The following THSD7A variants were observed in gnomAD, a reference collection of about 807,000 sequenced individuals.
THSD7A encodes thrombospondin type-1 domain-containing protein 7A.
In THSD7A, 96 loss-of-function variants were observed where a neutral mutation model predicts 231.3. The observed-to-expected ratio is 0.41, with a 90% CI of 0.35 to 0.49. THSD7A has a LOEUF of 0.49. Among genes scored for constraint, THSD7A ranks in the 20% least tolerant of loss-of-function variants. The pLI, the probability that THSD7A is intolerant of heterozygous loss-of-function variation, is 0.05. For missense variants in THSD7A, 2,290 were observed against 2,070.2 expected (o/e 1.11, Z -2.06); for synonymous variants, 940 against 743.3 (o/e 1.26, Z -4.30).
intron 4 of THSD7A, among the ~76,000 whole-genome samples, chr7:11,546,202 G>GCGCGCGCGCA (rs761841418): frequency 1.5e-5 from 2 of 129,374 alleles, no homozygotes; most frequent in African/African-American, 2.9e-5. Context: ...GTGGGCGCGC[G>GCGCGCGCGCA]CTCACACACA....
At chr7:11,455,481 G>A (rs1785278560) in intron 11 of THSD7A, among the ~76,000 whole-genome samples, 1 of 151,788 alleles carries the variant, frequency 6.6e-6, no homozygotes, top group Admixed American at 6.6e-5. Context: ...GTGATTCTGG[G>A]GATAATTGAT....
chr7:11,481,802 T>A lies in THSD7A; in HGVS notation c.2003A>T (p.Tyr668Phe), dbSNP rs750699877. ...KQIRARSILA[Y>F]AGEEGGIRCP... ...TGGCGACTCACCTTCTTCACCCGCA[T>A]AGGCCAGAATGGATCGTGCTCGTAT... The change falls in exon 7 of 28, where the codon TAT becomes TTT. Residue 668 changes from tyrosine to phenylalanine, a missense_variant. By Grantham distance (22) the Tyr-to-Phe change is conservative (BLOSUM62 3). Coordinates refer to ENST00000423059, the MANE Select transcript of THSD7A (RefSeq NM_015204.3). The A allele has an allele frequency of 2.3e-5, 37 of 1,602,914 alleles. No individual in the cohort carries two copies. The highest frequency in any genetic ancestry group is 3.1e-5 in the Non-Finnish European group (36 of 1,174,026).
In THSD7A at chr7:11,417,542, C is replaced by T. The variant is rs764727923; in HGVS notation, c.3445G>A (p.Glu1149Lys). 4.3e-6 allele frequency: 7 copies of T among 1,613,738 alleles called. No individual in the cohort carries two copies. The African/African-American group carries it at 8.0e-5, about 18-fold the overall frequency. ...EHVEDYLCDP[E>K]EMPLGSRVCK... ...ACTCTAGAGCCCAGGGGCATCTCTT[C>T]TGGGTCACAGAGGTAATCCTCTACA... Residue 1149 changes from glutamate (E) to lysine (K), a missense_variant, in exon 17 of 28, where the codon GAA becomes AAA. Coordinates refer to ENST00000423059, the MANE Select transcript of THSD7A (RefSeq NM_015204.3).
intron 1 of THSD7A, among the ~76,000 whole-genome samples, chr7:11,733,550 C>G (rs535188448): frequency 6.6e-6 from 1 of 151,730 alleles, no homozygotes; most frequent in East Asian, 1.9e-4. Flanking sequence ...TGGGATTGAT[C>G]TGGCTGATAT....
intron 1 of THSD7A, among the ~76,000 whole-genome samples, chr7:11,702,625 G>A (rs921158275): frequency 7.3e-5 from 11 of 151,142 alleles, no homozygotes; most frequent in African/African-American, 1.2e-4. Flanking sequence ...ACAAAAGTCC[G>A]CTCACAGCAG....
intron 4 of THSD7A, among the ~76,000 whole-genome samples, chr7:11,553,143 G>T (rs1004777214): frequency 2.6e-5 from 4 of 152,054 alleles, no homozygotes; most frequent in Admixed American, 6.6e-5. Flanking sequence ...AAGCCTTCTT[G>T]AGGTTTGCTC....
rs540856027 is a variant in THSD7A at position 11,521,456 on chromosome 7, C to T, written c.1822+19963G>A. Among the ~76,000 whole-genome samples, 6 of 144,386 alleles carry T rather than the reference C, an allele frequency of 4.2e-5. No homozygotes were observed. In the South Asian group the frequency reaches 1.3e-3, roughly 31 times the overall value. 94.7% of individuals were successfully genotyped at this position (144,386 alleles called of 152,430 possible). The stretch of plus-strand genomic sequence containing the variant: ...AGCTTAGGGCACTGAGACAGGGCCA[C>T]ATTCTTTTTTATTTTTTTATTTTAT... On this transcript the variant is annotated intron_variant, in intron 6 of 27. Transcript: ENST00000423059.
chr7:11,564,151 A>G (rs1347327131), intron 4 of THSD7A, among the ~76,000 whole-genome samples: 1 of 152,210 alleles, frequency 6.6e-6, no homozygotes, highest in Admixed American at 6.5e-5. Context: ...GGTTCTTTCC[A>G]AATATTTGAA....
At chr7:11,780,854 G>A (rs574546362) in intron 1 of THSD7A, among the ~76,000 whole-genome samples, 89 of 151,210 alleles carry the variant, frequency 5.9e-4, no homozygotes, top group Middle Eastern at 3.4e-3. Context: ...AGCCGGGCGC[G>A]GTGGCGGGCG....
intron 11 of THSD7A, among the ~76,000 whole-genome samples, chr7:11,452,314 C>A (rs1446986111): frequency 6.6e-6 from 1 of 151,928 alleles, no homozygotes; most frequent in South Asian, 2.1e-4. Context: ...AAGATCAAAC[C>A]TATAAATAAT....
At chr7:11,443,718 C>T (rs908733456) in intron 13 of THSD7A, among the ~76,000 whole-genome samples, 2 of 151,872 alleles carry the variant, frequency 1.3e-5, no homozygotes, top group Non-Finnish European at 2.9e-5. Flanking sequence ...ACTGAACACA[C>T]TTAAAGATAG....
At position 11,429,072 on chromosome 7, in the gene THSD7A, C is replaced by G. The variant is rs1275618745; in HGVS notation, c.3118G>C (p.Glu1040Gln). ...CTGCAGCGCGACCAGTTGGACCACTCACTGAGCTTGCAGTCTGAGGGGCAG... is the reference window on the plus strand; with the variant it reads ...CTGCAGCGCGACCAGTTGGACCACTGACTGAGCTTGCAGTCTGAGGGGCAG... The part of the protein sequence containing the change: ...IPCPSDCKLS[E>Q]WSNWSRCSKS... The change falls in exon 14 of 28, where the codon GAG becomes CAG. Residue 1040 changes from glutamate to glutamine, a missense_variant. By Grantham distance (29) the Glu-to-Gln change is conservative. Coordinates refer to ENST00000423059, the MANE Select transcript of THSD7A (RefSeq NM_015204.3). 1 of 1,612,194 alleles carries G rather than the reference C, an allele frequency of 6.2e-7. No individual in the cohort carries two copies. The highest frequency in any genetic ancestry group is 1.7e-5 in the Admixed American group (1 of 59,592).
chr7:11,702,913 T>G (rs1258305746), intron 1 of THSD7A, among the ~76,000 whole-genome samples: 1 of 151,274 alleles, frequency 6.6e-6, no homozygotes, highest in African/African-American at 2.4e-5. Context: ...CTGCTTCTTG[T>G]GCTAGACTAG....
chr7:11,797,931 TTAA>T (rs1784173737), intron 1 of THSD7A, among the ~76,000 whole-genome samples: 2 of 152,114 alleles, frequency 1.3e-5, no homozygotes, highest in Non-Finnish European at 2.9e-5. Context: ...GCTTAAGAGA[TTAA>T]TAATATTTTA....
intron 1 of THSD7A, among the ~76,000 whole-genome samples, chr7:11,750,596 T>C (rs1258958686): frequency 1.3e-5 from 2 of 151,874 alleles, no homozygotes; most frequent in South Asian, 4.1e-4. Flanking sequence ...CCCAATCAAG[T>C]AAGGTGCCAT....
At position 11,629,291 on chromosome 7, in the gene THSD7A, C is replaced by T. The variant is rs201488614; in HGVS notation, c.1022+6839G>A. Among the ~76,000 whole-genome samples, 5 of 152,064 alleles carry T rather than the reference C, an allele frequency of 3.3e-5. No homozygotes were observed. The East Asian group carries it at 9.7e-4, about 29-fold the overall frequency. ...AACATAATATACTGCCTGGTCAGCT[C>T]GACATTTTGAGAAAACTAAAATGTC... On this transcript the variant is annotated intron_variant, in intron 2 of 27. Coordinates refer to ENST00000423059, the MANE Select transcript of THSD7A (RefSeq NM_015204.3).
At chr7:11,414,621 T>G (rs138584823) in intron 17 of THSD7A, among the ~76,000 whole-genome samples, 1 of 152,178 alleles carries the variant, frequency 6.6e-6, no homozygotes, top group African/African-American at 2.4e-5. Flanking sequence ...CATTCTTCAG[T>G]TGACAACATC....
At chr7:11,806,635 G>T (rs1784405508) in intron 1 of THSD7A, among the ~76,000 whole-genome samples, 1 of 152,136 alleles carries the variant, frequency 6.6e-6, no homozygotes, top group Admixed American at 6.6e-5. Flanking sequence ...TATTAAAATA[G>T]ATCAATGTTT....
chr7:11,540,483 C>G (rs13238469), intron 6 of THSD7A, among the ~76,000 whole-genome samples: 27,882 of 152,166 alleles, frequency 0.18, 2,628 homozygotes, highest in Admixed American at 0.2. Flanking sequence ...CAAGGGGGCA[C>G]CAGGGTGTTT....
Sources: gnomAD v4.1 joint callset for allele counts (sites outside exome capture counted in the v4.1 genomes callset) on GRCh38, gnomAD v4.1.1 for gene constraint, MANE v1.5 for transcripts, NCBI Gene and HGNC (gene_info 2026-07-23, HGNC 2026-07-21) for gene names.